Variants in DGKB observed in about 807,000 individuals in gnomAD.
DGKB encodes the protein 90 kDa diacylglycerol kinase.
In DGKB, 67 loss-of-function variants were observed where a neutral mutation model predicts 114.3. The observed-to-expected ratio is 0.59, with a 90% CI of 0.48 to 0.72. The LOEUF is 0.72. Ranked by LOEUF, DGKB falls within the 30% of genes least tolerant of loss-of-function variation. The pLI is 0.00. For missense variants in DGKB, 907 were observed against 975.2 expected (o/e 0.93, Z 0.93); for synonymous variants, 398 against 323.1 (o/e 1.23, Z -2.49).
chr7:14,686,967 T>C (rs558948524), intron 9 of DGKB, among the ~76,000 whole-genome samples: 5 of 152,316 alleles, frequency 3.3e-5, no homozygotes, highest in African/African-American at 1.2e-4. Flanking sequence ...GTTTGCTTAC[T>C]ATACTTACAG....
intron 20 of DGKB, among the ~76,000 whole-genome samples, chr7:14,510,175 C>T (rs1787779633): frequency 6.6e-6 from 1 of 152,132 alleles, no homozygotes; most frequent in Non-Finnish European, 1.5e-5. Flanking sequence ...AGTAAGACAA[C>T]AATCAAGTTT....
chr7:14,619,916 C>T (rs552559273), intron 15 of DGKB, among the ~76,000 whole-genome samples: 3 of 151,518 alleles, frequency 2.0e-5, no homozygotes, highest in Non-Finnish European at 4.4e-5. Flanking sequence ...GAAGTATGTG[C>T]CTAGTCATGT....
At chr7:14,876,242 A>T (rs1265530721) in intron 1 of DGKB, among the ~76,000 whole-genome samples, 1 of 152,178 alleles carries the variant, frequency 6.6e-6, no homozygotes, top group African/African-American at 2.4e-5. Context: ...TACCCCTTTT[A>T]AAAAAATTTC....
At position 14,849,905 on chromosome 7, in the gene DGKB, A is replaced by G. The variant is rs1009646508; in HGVS notation, c.-187-8455T>C. On this transcript the variant is annotated intron_variant, in intron 1 of 25. Coordinates refer to ENST00000402815, the MANE Select transcript of DGKB (RefSeq NM_001350709.2). ...GACACTATCCATCACATATGGGGCA[A>G]GAGTGTAGTGGAAGAAGGAGACACA... Among the ~76,000 whole-genome samples, 65 of 152,292 alleles carry G rather than the reference A, an allele frequency of 4.3e-4. 1 individual carries two copies. The highest frequency in any genetic ancestry group is 1.5e-3 in the African/African-American group (64 of 41,558).
chr7:14,897,556 A>T (rs1039765190), intron 1 of DGKB, among the ~76,000 whole-genome samples: 1 of 151,960 alleles, frequency 6.6e-6, no homozygotes, highest in African/African-American at 2.4e-5. Flanking sequence ...TTATTCTACT[A>T]TTTGGGTTTT....
intron 6 of DGKB, among the ~76,000 whole-genome samples, chr7:14,703,697 A>G (rs1825626661): frequency 6.6e-6 from 1 of 152,154 alleles, no homozygotes; most frequent in South Asian, 2.1e-4. Flanking sequence ...GGGTGTTTCG[A>G]GGCAACCATC....
chr7:14,310,074 G>A (rs10231874), intron 23 of DGKB, among the ~76,000 whole-genome samples: 98,495 of 152,010 alleles, frequency 0.65, 33,181 homozygotes, highest in South Asian at 0.74. Context: ...GAACTGCCAC[G>A]GAAGATGAAG....
intron 2 of DGKB, among the ~76,000 whole-genome samples, chr7:14,776,945 T>C (rs944681403): frequency 2.0e-5 from 3 of 152,184 alleles, no homozygotes; most frequent in South Asian, 2.1e-4. Flanking sequence ...GGAGGGAAGC[T>C]GTATTCTGCA....
intron 6 of DGKB, among the ~76,000 whole-genome samples, chr7:14,704,931 C>G (rs1242933056): frequency 6.6e-6 from 1 of 152,080 alleles, no homozygotes; most frequent in Admixed American, 6.6e-5. Flanking sequence ...TCCAAAGGAA[C>G]GCAGCTCCTC....
At chr7:14,797,416 A>T (rs1171507010) in intron 2 of DGKB, among the ~76,000 whole-genome samples, 2 of 152,190 alleles carry the variant, frequency 1.3e-5, no homozygotes, top group African/African-American at 4.8e-5. Context: ...TAATTCACTC[A>T]CAAATATACT....
intron 21 of DGKB, among the ~76,000 whole-genome samples, chr7:14,365,094 G>C (rs548377439): frequency 6.6e-5 from 10 of 151,196 alleles, no homozygotes; most frequent in South Asian, 4.2e-4. Flanking sequence ...CAACATCTTG[G>C]GGGTAGGGGC....
At chr7:14,393,478 A>T (rs767913537) in intron 21 of DGKB, among the ~76,000 whole-genome samples, 8 of 152,158 alleles carry the variant, frequency 5.3e-5, no homozygotes, top group Non-Finnish European at 1.0e-4. Flanking sequence ...TACTATGTAG[A>T]AATTTATTCT....
At position 14,322,610 on chromosome 7, in the gene DGKB, T is replaced by A. The variant is rs115946326; in HGVS notation, c.2122+15905A>T. Among the ~76,000 whole-genome samples the A allele has an allele frequency of 5.3e-5, 8 of 152,232 alleles. No homozygotes were observed. In the East Asian group the frequency reaches 5.8e-4, roughly 11 times the overall value. On this transcript the variant is annotated intron_variant, in intron 23 of 25. Coordinates refer to ENST00000402815, the MANE Select transcript of DGKB (RefSeq NM_001350709.2). ...AAGAAAAAAGTAATAAATGGATACATTGGACTTTAATAAAATTAAGACATT... is the reference window on the plus strand; with the variant it reads ...AAGAAAAAAGTAATAAATGGATACAATGGACTTTAATAAAATTAAGACATT...
intron 23 of DGKB, among the ~76,000 whole-genome samples, chr7:14,257,627 TTC>T (rs1318126644): frequency 1.6e-4 from 24 of 152,190 alleles, no homozygotes; most frequent in Middle Eastern, 3.2e-3. Context: ...TGCTTGGCAG[TTC>T]TCTTTCCTGC....
chr7:14,408,919 A>G (rs1010676381), intron 21 of DGKB, among the ~76,000 whole-genome samples: 8 of 152,170 alleles, frequency 5.3e-5, no homozygotes, highest in Admixed American at 5.2e-4. Context: ...ATGAGCGCAT[A>G]AAAGATATGT....
intron 23 of DGKB, among the ~76,000 whole-genome samples, chr7:14,197,174 A>C (rs916021592): frequency 1.3e-5 from 2 of 152,034 alleles, no homozygotes; most frequent in Non-Finnish European, 2.9e-5. Flanking sequence ...AATATATCTG[A>C]TTCTTTTTCT....
chr7:14,571,384 C>T (rs1045571492), intron 20 of DGKB, among the ~76,000 whole-genome samples: 3 of 152,308 alleles, frequency 2.0e-5, no homozygotes, highest in East Asian at 1.9e-4. Context: ...TTACAACTTA[C>T]ACTTACAGTA....
intron 25 of DGKB, among the ~76,000 whole-genome samples, chr7:14,157,972 G>A (rs924899148): frequency 2.0e-5 from 3 of 152,026 alleles, no homozygotes; most frequent in Non-Finnish European, 2.9e-5. Context: ...CCTTTTTCAC[G>A]TAGTAATGGT....
At chr7:14,565,307 G>C (rs557692258) in intron 20 of DGKB, among the ~76,000 whole-genome samples, 36 of 152,252 alleles carry the variant, frequency 2.4e-4, no homozygotes, top group African/African-American at 8.2e-4. Flanking sequence ...ATATGAGGGA[G>C]ACCAGCATAG....
Sources: allele counts gnomAD v4.1 joint callset (sites outside exome capture counted in the v4.1 genomes callset), GRCh38; gene constraint gnomAD v4.1.1; transcripts MANE v1.5; gene names NCBI Gene and HGNC (gene_info 2026-07-23, HGNC 2026-07-21).